Variants in DIP2A observed in about 807,000 individuals in gnomAD.
DIP2A encodes the protein disco-interacting protein 2 homolog A.
Under a neutral mutation model 177.4 loss-of-function variants are expected in DIP2A, and 85 were observed. The observed-to-expected ratio is 0.48, with a 90% CI of 0.40 to 0.57. The LOEUF (loss-of-function observed/expected upper bound fraction) is 0.57, where lower values mean the gene tolerates loss of function less well. Ranked by LOEUF, DIP2A falls within the 20% of genes least tolerant of loss-of-function variation. The pLI is 0.00. For missense variants in DIP2A, 1,791 were observed against 2,100.2 expected (o/e 0.85, Z 2.88); for synonymous variants, 886 against 881.8 (o/e 1.00, Z -0.08).
intron 13 of DIP2A, among the ~76,000 whole-genome samples, chr21:46,536,130 G>A (rs1167677724): frequency 6.6e-6 from 1 of 152,250 alleles, no homozygotes; most frequent in Non-Finnish European, 1.5e-5. Context: ...TTAACCAACA[G>A]AGAAAGGGTG....
the DIP2A span, among the ~76,000 whole-genome samples, chr21:46,582,731 A>G: frequency 6.6e-6 from 1 of 151,902 alleles, no homozygotes; most frequent in East Asian, 1.9e-4. Context: ...GGAGCCACCA[A>G]TGGCAGCTGC....
chr21:46,474,955 G>T (rs757971314), intron 1 of DIP2A, among the ~76,000 whole-genome samples: 2 of 152,182 alleles, frequency 1.3e-5, no homozygotes, highest in African/African-American at 4.8e-5. Context: ...GTGGTAATGA[G>T]GAAAGGATAT....
intron 34 of DIP2A, chr21:46,562,025 G>T (rs1569116443): frequency 1.3e-6 from 1 of 785,172 alleles, no homozygotes; most frequent in Non-Finnish European, 1.5e-6. Flanking sequence ...TCAAAGCCAA[G>T]AAAGGGAGAA....
Position 46,545,961 on chromosome 21 carries a change from TGTGA to T in DIP2A, c.2394+3_2394+6del. On this transcript the variant is annotated splice_donor_variant and splice_donor_region_variant and intron_variant, in intron 20 of 37. Transcript: ENST00000417564. LOFTEE classifies it high-confidence loss of function. Reference sequence around the variant, plus strand: ...CAGGCCTGCTGGGCTTCATCGGGCCTGTGAGTATGTCCTCCTGTACCAGCACTGG... The same window carrying T: ...CAGGCCTGCTGGGCTTCATCGGGCCTGTATGTCCTCCTGTACCAGCACTGG... The T allele has an allele frequency of 1.2e-6, 2 of 1,613,974 alleles. No individual in the cohort carries two copies. The highest frequency in any genetic ancestry group is 2.2e-5 in the East Asian group (1 of 44,870).
intron 4 of DIP2A, among the ~76,000 whole-genome samples, chr21:46,497,456 C>T (rs1485562353): frequency 6.6e-6 from 1 of 152,166 alleles, no homozygotes; most frequent in South Asian, 2.1e-4. Flanking sequence ...AGGAATTTTA[C>T]AGTTATTGTC....
In DIP2A at chr21:46,550,855, G is replaced by A; in HGVS notation, c.2839+111G>A. 3 of 1,141,834 alleles carry A rather than the reference G, an allele frequency of 2.6e-6. No individual in the cohort carries two copies. The South Asian group carries it at 4.3e-5, about 16-fold the overall frequency. The allele number at this position is 1,141,834 out of a possible 1,614,324, so 70.7% of individuals were successfully genotyped here. A position where few individuals can be genotyped will look rare whatever the true frequency, so the allele number is the denominator to read the frequency against. On this transcript the variant is annotated intron_variant, in intron 23 of 37. Transcript: ENST00000417564. Reference sequence around the variant, plus strand: ...TCCAGTGCCAACTGCCCACGTCTTTGGGGCTGGGGTCAAGAGCCAGAGCGA... The same window carrying A: ...TCCAGTGCCAACTGCCCACGTCTTTAGGGCTGGGGTCAAGAGCCAGAGCGA...
intron 3 of DIP2A, among the ~76,000 whole-genome samples, chr21:46,492,323 ACT>A (rs1157026040): frequency 6.6e-6 from 1 of 151,522 alleles, no homozygotes; most frequent in Non-Finnish European, 1.5e-5. Context: ...CTATTTCTGG[ACT>A]CTCTGTTCTG....
At chr21:46,575,130 A>T in the DIP2A span, among the ~76,000 whole-genome samples, 2 of 152,158 alleles carry the variant, frequency 1.3e-5, no homozygotes, top group Non-Finnish European at 2.9e-5. Context: ...AATATATAAA[A>T]CAATCAATGT....
intron 2 of DIP2A, 32 bp from the exon 3 acceptor site, chr21:46,490,568 A>G (rs1043905344): frequency 6.5e-7 from 1 of 1,532,166 alleles, no homozygotes; most frequent in Non-Finnish European, 8.8e-7. Context: ...CAAATTGTTC[A>G]CATAAGGTAT....
At chr21:46,506,723 TTTTTC>T (rs767112590) in intron 6 of DIP2A, among the ~76,000 whole-genome samples, 2,295 of 59,802 alleles carry the variant, frequency 0.038, 157 homozygotes, top group African/African-American at 0.14. Context: ...ATTGTGCTTG[TTTTTC>T]TTTCTTTCTT....
rs1365442236 is a variant in DIP2A, at chr21:46,557,978, G to T, written c.3798+225G>T. Among the ~76,000 whole-genome samples the T allele has an allele frequency of 6.6e-6, 1 of 152,236 alleles. No individual in the cohort carries two copies. The highest frequency in any genetic ancestry group is 1.5e-5 in the Non-Finnish European group (1 of 68,038). ...AGAGGAGGGTGGGGGGTAGGGCAGG[G>T]TCCCTGCGAGATAGCGGGGTGGAAG... On this transcript the variant is annotated intron_variant, in intron 31 of 37. Transcript: ENST00000417564. The surrounding 1 kb of genome is among the most constrained non-coding windows in gnomAD (Gnocchi z 6.0).
intron 17 of DIP2A, among the ~76,000 whole-genome samples, chr21:46,541,446 G>A (rs924795134): frequency 1.3e-5 from 2 of 152,148 alleles, no homozygotes; most frequent in Non-Finnish European, 2.9e-5. Context: ...GCTTCACAGG[G>A]CTCCAGGCGA....
At chr21:46,543,541 GCTCCCCCAGGCA>G (rs2059909426) in intron 18 of DIP2A, among the ~76,000 whole-genome samples, 1 of 24,768 alleles carries the variant, frequency 4.0e-5, no homozygotes, top group Non-Finnish European at 7.5e-5. Context: ...CGTGCAAAGC[GCTCCCCCAGGCA>G]CTCCCCCAGG....
At chr21:46,466,620 AC>A (rs1163427957) in intron 1 of DIP2A, among the ~76,000 whole-genome samples, 1 of 151,868 alleles carries the variant, frequency 6.6e-6, no homozygotes, top group Non-Finnish European at 1.5e-5. Context: ...TGCTGGGATT[AC>A]AGGCCTGAGC....
chr21:46,566,033 T>G (rs1041444882), intron 36 of DIP2A, 146 bp downstream of exon 36: 1 of 1,021,890 alleles, frequency 9.8e-7, no homozygotes, highest in African/African-American at 1.6e-5. Context: ...GACAGCAGTT[T>G]TCTCTGAAAA....
Position 46,465,424 on chromosome 21 carries a change from A to AT in DIP2A, c.91+6204dup, listed in dbSNP as rs918435889. On this transcript the variant is annotated intron_variant, in intron 1 of 37. Coordinates refer to ENST00000417564, the MANE Select transcript of DIP2A (RefSeq NM_015151.4). The stretch of plus-strand genomic sequence containing the variant: ...TGCTACTAAATATAACAAAAAAAAA[A>AT]TTAGCTGGTCATGGTGGCACGTGCC... Among the ~76,000 whole-genome samples, 26 of 151,996 alleles carry AT rather than the reference A, an allele frequency of 1.7e-4. 1 individual carries two copies. The highest frequency in any genetic ancestry group is 5.2e-4 in the Admixed American group (8 of 15,250).
chr21:46,507,397 A>G (rs919688002), intron 6 of DIP2A, among the ~76,000 whole-genome samples: 1 of 152,190 alleles, frequency 6.6e-6, no homozygotes, highest in Non-Finnish European at 1.5e-5. Context: ...CCTAAGTATC[A>G]GGTATGAATC....
intron 34 of DIP2A, 144 bp downstream of exon 34, chr21:46,561,949 C>T: frequency 6.8e-7 from 1 of 1,460,802 alleles, no homozygotes; most frequent in Non-Finnish European, 9.0e-7. Context: ...CTGCAGAAGT[C>T]TCCTTCCCTC....
chr21:46,574,264 TAAC>T (rs368022607), downstream of DIP2A, among the ~76,000 whole-genome samples: 3 of 151,770 alleles, frequency 2.0e-5, no homozygotes, highest in African/African-American at 7.3e-5. Context: ...AAAGAAGAAA[TAAC>T]AAGAAAAATT....
Sources: allele counts gnomAD v4.1 joint callset (sites outside exome capture counted in the v4.1 genomes callset), GRCh38; gene constraint gnomAD v4.1.1; non-coding constraint Gnocchi (gnomAD v3.1); transcripts MANE v1.5; gene names NCBI Gene and HGNC (gene_info 2026-07-23, HGNC 2026-07-21).